VPS13B: variants seen among roughly 807,000 people sequenced by gnomAD.
VPS13B encodes intermembrane lipid transfer protein VPS13B.
In VPS13B, 285 loss-of-function variants were observed where a neutral mutation model predicts 426.4. The observed-to-expected ratio is 0.67, with a 90% CI of 0.61 to 0.74. The LOEUF (loss-of-function observed/expected upper bound fraction) is 0.74. VPS13B is among the 30% of genes least tolerant of loss of function. The pLI is 0.00. For missense variants in VPS13B, 4,537 were observed against 4,782.6 expected, an observed-to-expected ratio of 0.95 and a Z score of 1.51; for synonymous variants, 1,676 against 1,676.4, an observed-to-expected ratio of 1.00 and a Z score of 0.01.
At chr8:99,421,518 G>A (rs1816372543) in intron 21 of VPS13B, among the ~76,000 whole-genome samples, 2 of 152,132 alleles carry the variant, frequency 1.3e-5, no homozygotes, top group Admixed American at 1.3e-4. Flanking sequence ...GATGGACCCT[G>A]GAACCAGTCT....
At chr8:99,573,248 T>C (rs1825583446) in intron 31 of VPS13B, among the ~76,000 whole-genome samples, 1 of 152,232 alleles carries the variant, frequency 6.6e-6, no homozygotes, top group African/African-American at 2.4e-5. Context: ...ATTCTGTAGG[T>C]TGCCTGTTCA....
rs548660337 is a variant in VPS13B at position 99,645,742 on chromosome 8, TAA to T, written c.5908+3245_5908+3246del. Among the ~76,000 whole-genome samples the T allele has an allele frequency of 2.7e-3, 415 of 152,338 alleles. 1 individual carries two copies. Among genetic ancestry groups the T allele is most frequent in the Non-Finnish European group, 4.8e-3 (327 of 68,036 alleles). On this transcript the variant is annotated intron_variant, in intron 34 of 61. Coordinates refer to ENST00000357162, the MANE Select transcript of VPS13B (RefSeq NM_152564.5). ...TAGTTTATTCAGAGTTTTAAATATATAAGTTTTATTAAATGTTAATGAAATTA... is the reference window on the plus strand; with the variant it reads ...TAGTTTATTCAGAGTTTTAAATATATGTTTTATTAAATGTTAATGAAATTA...
In VPS13B at chr8:99,809,546, T is replaced by C. The variant is rs1813591062; in HGVS notation, c.8097+16T>C. ...ACAAAAACAGGTAAGTTTCTTTGTGTTCATGACCCAGACACCTCTTAATTA... is the reference window on the plus strand; with the variant it reads ...ACAAAAACAGGTAAGTTTCTTTGTGCTCATGACCCAGACACCTCTTAATTA... On this transcript the variant is annotated intron_variant, in intron 44 of 61. Coordinates refer to ENST00000357162, the MANE Select transcript of VPS13B (RefSeq NM_152564.5). 6.2e-7 allele frequency: 1 copy of C among 1,613,836 alleles called. No homozygotes were observed. The highest frequency in any genetic ancestry group is 8.5e-7 in the Non-Finnish European group (1 of 1,179,900).
chr8:99,352,978 CTTATTA>C (rs557446114), intron 19 of VPS13B, among the ~76,000 whole-genome samples: 9 of 151,652 alleles, frequency 5.9e-5, no homozygotes, highest in Non-Finnish European at 7.4e-5. Context: ...AAACAAAAAA[CTTATTA>C]TTATTATTAT....
rs759448476 is a variant in VPS13B at position 99,391,681 on chromosome 8, C to T, written c.3059C>T (p.Pro1020Leu). ...SYQASEYASS[P>L]VKTKTVTESR... ...CAGGCCTCTGAATATGCCAGCAGCC[C>T]TGTAAAAACAAAAACGGTAACAGGT... is the stretch of plus-strand genomic sequence containing the variant. Residue 1020 changes from proline (P) to leucine (L), a missense_variant, in exon 21 of 62, where the codon CCT becomes CTT. By Grantham distance (98) the Pro-to-Leu change is moderately conservative. Transcript: ENST00000357162. 2 of 1,613,880 alleles carry T rather than the reference C, an allele frequency of 1.2e-6. No homozygotes were observed. The highest frequency in any genetic ancestry group is 1.3e-5 in the African/African-American group (1 of 74,896).
At chr8:99,684,810 G>GT (rs1831313637) in intron 35 of VPS13B, among the ~76,000 whole-genome samples, 1 of 152,072 alleles carries the variant, frequency 6.6e-6, no homozygotes. Context: ...TTGTTTGTTT[G>GT]TTTTTTGTTT....
At chr8:99,589,948 C>T (rs1826525681) in intron 33 of VPS13B, among the ~76,000 whole-genome samples, 1 of 152,152 alleles carries the variant, frequency 6.6e-6, no homozygotes, top group African/African-American at 2.4e-5. Context: ...TAGAATTCGG[C>T]TGTGAATCCG....
chr8:99,444,666 T>C, intron 23 of VPS13B, among the ~76,000 whole-genome samples: 1 of 152,112 alleles, frequency 6.6e-6, no homozygotes, highest in Admixed American at 6.6e-5. Flanking sequence ...TAATATTTTA[T>C]TTCTTTTTAT....
At chr8:99,237,996 TC>T (rs1816730357) in intron 17 of VPS13B, among the ~76,000 whole-genome samples, 1 of 152,038 alleles carries the variant, frequency 6.6e-6, no homozygotes, top group Admixed American at 6.5e-5. Context: ...CCAGTAAGCT[TC>T]TGTAATAGGC....
intron 21 of VPS13B, among the ~76,000 whole-genome samples, chr8:99,409,925 T>C (rs1815539447): frequency 6.6e-6 from 1 of 152,162 alleles, no homozygotes; most frequent in Non-Finnish European, 1.5e-5. Context: ...AACTCAGGAA[T>C]GGAAAACCAA....
chr8:99,685,340 A>C (rs1217546861), intron 35 of VPS13B, among the ~76,000 whole-genome samples: 1 of 152,252 alleles, frequency 6.6e-6, no homozygotes, highest in Non-Finnish European at 1.5e-5. Flanking sequence ...AGTCTAGGTG[A>C]GTTCAGCTGG....
chr8:99,066,195 A>G (rs1054388612), intron 3 of VPS13B, among the ~76,000 whole-genome samples: 8 of 152,208 alleles, frequency 5.3e-5, no homozygotes, highest in Admixed American at 5.2e-4. Context: ...CATAGGCAAT[A>G]CAATCCTAAG....
At position 99,511,160 on chromosome 8, in the gene VPS13B, A is replaced by G. The variant is rs2133637227; in HGVS notation, c.4281A>G (p.Thr1427=). 4 of 1,613,978 alleles carry G rather than the reference A, an allele frequency of 2.5e-6. No homozygotes were observed. The highest frequency in any genetic ancestry group is 1.3e-5 in the African/African-American group (1 of 75,066). ...AGCAGCATGGATTCCTCTCTCTGAC[A>G]TACACAAAAGCTGTAACAAAAAATG... The part of the protein sequence containing the change: ...THQQHGFLSL[T]YTKAVTKNVR... The change falls in exon 29 of 62, where the codon ACA becomes ACG. Residue 1427 remains threonine (T), a synonymous_variant. Coordinates refer to ENST00000357162, the MANE Select transcript of VPS13B (RefSeq NM_152564.5).
At chr8:99,859,679 T>C (rs779774673) in intron 57 of VPS13B, among the ~76,000 whole-genome samples, 199 bp downstream of exon 57, 7 of 152,146 alleles carry the variant, frequency 4.6e-5, no homozygotes, top group African/African-American at 7.2e-5. Flanking sequence ...TTGCCTCTGG[T>C]GTGTGAAAAT....
chr8:99,118,216 C>T (rs899950211), intron 7 of VPS13B, among the ~76,000 whole-genome samples: 3 of 152,120 alleles, frequency 2.0e-5, no homozygotes, highest in African/African-American at 4.8e-5. Context: ...CATCTGGAGT[C>T]TTCTATTGAT....
In VPS13B at chr8:99,121,265, A is replaced by G. The variant is rs1280072622; in HGVS notation, c.1026A>G (p.Pro342=). 1 of 1,614,180 alleles carries G rather than the reference A, an allele frequency of 6.2e-7. No individual in the cohort carries two copies. Among genetic ancestry groups the G allele is most frequent in the Non-Finnish European group, 8.5e-7 (1 of 1,180,018 alleles). The change falls in exon 8 of 62, where the codon CCA becomes CCG. Residue 342 remains proline (P), a synonymous_variant. Transcript: ENST00000357162. The stretch of plus-strand genomic sequence containing the variant: ...ATTCACAGCAAGATGAGGAGCAGCC[A>G]CAGGGATGGGTGTCATGGGCCTGGT... The part of the protein sequence containing the change: ...ELYSQQDEEQ[P]QGWVSWAWSF...
intron 5 of VPS13B, among the ~76,000 whole-genome samples, chr8:99,104,512 A>G (rs1846936246): frequency 6.6e-6 from 1 of 151,998 alleles, no homozygotes; most frequent in Admixed American, 6.5e-5. Context: ...GTGTGTTCCA[A>G]AGCACATTTG....
chr8:99,471,317 T>A (rs1195917490), intron 24 of VPS13B, among the ~76,000 whole-genome samples: 1 of 152,072 alleles, frequency 6.6e-6, no homozygotes, highest in Non-Finnish European at 1.5e-5. Context: ...TGTCTGCTGG[T>A]TTTTTCAGTG....
chr8:99,852,105 A>G (rs1479319185), intron 55 of VPS13B, among the ~76,000 whole-genome samples: 1 of 152,214 alleles, frequency 6.6e-6, no homozygotes, highest in African/African-American at 2.4e-5. Context: ...AAATAGAGGC[A>G]TCAAGGATGA....
Sources: gnomAD v4.1 joint callset for allele counts (sites outside exome capture counted in the v4.1 genomes callset) on GRCh38, gnomAD v4.1.1 for gene constraint, MANE v1.5 for transcripts, NCBI Gene and HGNC (gene_info 2026-07-23, HGNC 2026-07-21) for gene names.